The following CCDC57 variants were observed in gnomAD, a reference collection of about 807,000 sequenced individuals.
The protein encoded by CCDC57 is coiled-coil domain containing 57, also known as coiled-coil domain-containing protein 57.
Under a neutral mutation model 118.9 loss-of-function variants are expected in CCDC57, and 118 were observed. That is an observed-to-expected ratio of 0.99 (90% CI 0.86 to 1.16). The LOEUF (loss-of-function observed/expected upper bound fraction) is 1.16. Ranked by LOEUF, CCDC57 falls within the 50% of genes most tolerant of loss-of-function variation. The pLI is 0.00. For missense variants in CCDC57, 1,300 were observed against 1,320.7 expected, an observed-to-expected ratio of 0.98 and a Z score of 0.24; for synonymous variants, 527 against 532.9, an observed-to-expected ratio of 0.99 and a Z score of 0.15.
chr17:82,116,267 G>T (rs889822111), intron 19 of CCDC57, among the ~76,000 whole-genome samples: 1 of 151,190 alleles, frequency 6.6e-6, no homozygotes. Flanking sequence ...TGCAGCTGGA[G>T]AGTGGGGTGG....
rs151251610 is a variant in CCDC57, at chr17:82,186,026, G to A, written c.1053-2094C>T. Among the ~76,000 whole-genome samples the A allele has an allele frequency of 1.8e-4, 28 of 152,020 alleles. No homozygotes were observed. In the East Asian group the frequency reaches 4.3e-3, roughly 23 times the overall value. The stretch of plus-strand genomic sequence containing the variant: ...CTAACTTTTCTTTGGGTAGACATAG[G>A]GTCTTGTTTCGTTGCCCAGGCTCAA... On this transcript the variant is annotated intron_variant, in intron 8 of 19. Coordinates refer to ENST00000665763, the Ensembl canonical transcript of CCDC57.
chr17:82,184,049 A>ACACACG (rs1568401872), intron 8 of CCDC57, 117 bp from the exon 8 acceptor site: 2 of 556,896 alleles, frequency 3.6e-6, no homozygotes, highest in Non-Finnish European at 6.4e-6. Context: ...ACACACACAC[A>ACACACG]CACACACACA....
chr17:82,172,945 GC>G lies in CCDC57; in HGVS notation c.1507-86del. 1 of 1,258,588 alleles carries G rather than the reference GC, an allele frequency of 7.9e-7. No homozygotes were observed. The highest frequency in any genetic ancestry group is 1.1e-6 in the Non-Finnish European group (1 of 888,700). 78.0% of individuals were successfully genotyped at this position (1,258,588 alleles called of 1,614,324 possible). On this transcript the variant is annotated intron_variant, in intron 11 of 19. Transcript: ENST00000665763. The surrounding 1 kb of genome is among the most constrained non-coding windows in gnomAD (Gnocchi z 5.2). ...CAGGCTGTGCCTCCGCTCTCCCCGCGCCCCTCTCGGGCCGGTCCCCCGCTTC... is the reference window on the plus strand; with the variant it reads ...CAGGCTGTGCCTCCGCTCTCCCCGCGCCCTCTCGGGCCGGTCCCCCGCTTC...
chr17:82,145,026 CT>C (rs63184860), intron 16 of CCDC57, among the ~76,000 whole-genome samples: 45,373 of 119,314 alleles, frequency 0.38, 6,243 homozygotes, highest in East Asian at 0.75. Context: ...TTTTTTTTTT[CT>C]TTTTTTTTTT....
At chr17:82,126,362 A>G (rs1013135846) in intron 19 of CCDC57, 3 of 956,292 alleles carry the variant, frequency 3.1e-6, no homozygotes, top group Non-Finnish European at 3.7e-6. Context: ...ACATAAAAAA[A>G]CACCATAATA....
chr17:82,138,346 C>T (rs1478507324), intron 16 of CCDC57, among the ~76,000 whole-genome samples: 4 of 151,412 alleles, frequency 2.6e-5, no homozygotes, highest in Non-Finnish European at 5.9e-5. Flanking sequence ...GACAGGGTTT[C>T]ACCCTGTTAG....
rs11658040 is a variant in CCDC57, at chr17:82,102,015, C to T, written c.2900-149G>A. The T allele has an allele frequency of 0.48, 346,861 of 718,798 alleles. 89,063 individuals are homozygous for T. The highest frequency in any genetic ancestry group is 0.56 in the African/African-American group (30,974 of 55,006). 44.5% of individuals were successfully genotyped at this position (718,798 alleles called of 1,614,324 possible). On this transcript the variant is annotated intron_variant, in intron 19 of 19. Transcript: ENST00000665763. ...TTGGCCTGGCTTTCCTCCAGGAGTCCGTGAAGGCCAAAGGATCCTGGAGTG... is the reference window on the plus strand; with the variant it reads ...TTGGCCTGGCTTTCCTCCAGGAGTCTGTGAAGGCCAAAGGATCCTGGAGTG...
intron 16 of CCDC57, among the ~76,000 whole-genome samples, chr17:82,142,467 C>T (rs1040165241): frequency 6.6e-6 from 1 of 152,108 alleles, no homozygotes; most frequent in Admixed American, 6.6e-5. Context: ...CGCGCAACAC[C>T]AAGCCCGGCT....
At chr17:82,117,827 AG>A (rs998921978) in intron 19 of CCDC57, among the ~76,000 whole-genome samples, 205 of 152,284 alleles carry the variant, frequency 1.3e-3, no homozygotes, top group African/African-American at 4.7e-3. Flanking sequence ...AACCAGGAGC[AG>A]GGGGCCAACG....
chr17:82,116,802 A>C, intron 19 of CCDC57, among the ~76,000 whole-genome samples: 1 of 152,092 alleles, frequency 6.6e-6, no homozygotes, highest in East Asian at 1.9e-4. Context: ...ACACAGAACC[A>C]TTCCCATTAT....
intron 14 of CCDC57, among the ~76,000 whole-genome samples, chr17:82,159,467 C>A (rs1405832011): frequency 6.6e-6 from 1 of 152,118 alleles, no homozygotes; most frequent in Non-Finnish European, 1.5e-5. Context: ...ACTGCCTCGA[C>A]AGAAATGGAA....
rs774988999 is a variant in CCDC57, at chr17:82,157,739, G to A, written c.2241+9C>T. ...CGGCGGGTGGCAGGAGGAGCTAGCG[G>A]GCACCCACCTCTCTCCCAAGGGCCA... On this transcript the variant is annotated intron_variant, in intron 15 of 19. Coordinates refer to ENST00000665763, the Ensembl canonical transcript of CCDC57. 2 of 1,578,782 alleles carry A rather than the reference G, an allele frequency of 1.3e-6. No homozygotes were observed. Among genetic ancestry groups the A allele is most frequent in the East Asian group, 2.3e-5 (1 of 42,894 alleles).
intron 1 of CCDC57, among the ~76,000 whole-genome samples, chr17:82,208,292 T>C (rs187125956): frequency 2.6e-5 from 4 of 152,322 alleles, no homozygotes; most frequent in Admixed American, 6.5e-5. Flanking sequence ...AGTCTTGTTT[T>C]CTTGCCCAGG....
chr17:82,118,540 C>A lies in CCDC57; in HGVS notation c.2899+9152G>T, dbSNP rs1010227026. Among the ~76,000 whole-genome samples, 14 of 152,108 alleles carry A rather than the reference C, an allele frequency of 9.2e-5. No homozygotes were observed. The highest frequency in any genetic ancestry group is 5.9e-5 in the Non-Finnish European group (4 of 68,016). ...GTTGGGTGGCTGGTCCCTGTACCGGCTCCTGAAAGGACATTTGGGCACTTG... is the reference window on the plus strand; with the variant it reads ...GTTGGGTGGCTGGTCCCTGTACCGGATCCTGAAAGGACATTTGGGCACTTG... On this transcript the variant is annotated intron_variant, in intron 19 of 19. Coordinates refer to ENST00000665763, the Ensembl canonical transcript of CCDC57. This position sits in a 1 kb window ranked among gnomAD's most constrained non-coding sequence, Gnocchi z 4.7.
At chr17:82,171,247 G>T (rs1317555524) in intron 13 of CCDC57, among the ~76,000 whole-genome samples, 2 of 86,754 alleles carry the variant, frequency 2.3e-5, no homozygotes, top group Non-Finnish European at 4.4e-5. Context: ...CGGAGGGAGC[G>T]CGAGGAATTC....
intron 19 of CCDC57, among the ~76,000 whole-genome samples, chr17:82,117,891 G>C (rs2036133682): frequency 6.6e-6 from 1 of 152,098 alleles, no homozygotes; most frequent in South Asian, 2.1e-4. Flanking sequence ...CCCTACCTTT[G>C]ACCAGCTATT....
intron 10 of CCDC57, among the ~76,000 whole-genome samples, 200 bp from the exon 10 acceptor site, chr17:82,178,805 A>C (rs895401370): frequency 6.6e-6 from 1 of 152,206 alleles, no homozygotes; most frequent in African/African-American, 2.4e-5. Context: ...CGCTACTCAA[A>C]CCACGCGGCT....
At chr17:82,134,184 C>A in exon 17 of CCDC57, 2 of 1,323,988 alleles carry the variant, frequency 1.5e-6, no homozygotes, top group Non-Finnish European at 1.9e-6. Flanking sequence ...GGGCGTGGTG[C>A]AACAGCCACC....
At chr17:82,128,929 T>G (rs2045659404) in intron 17 of CCDC57, among the ~76,000 whole-genome samples, 1 of 151,930 alleles carries the variant, frequency 6.6e-6, no homozygotes, top group African/African-American at 2.4e-5. Flanking sequence ...TTTGTTTTTT[T>G]TTTTTTTGAG....
Sources: allele counts gnomAD v4.1 joint callset (sites outside exome capture counted in the v4.1 genomes callset), GRCh38; gene constraint gnomAD v4.1.1; non-coding constraint Gnocchi (gnomAD v3.1); transcripts MANE v1.5; gene names NCBI Gene and HGNC (gene_info 2026-07-23, HGNC 2026-07-21).